The following KLHL2 variants were observed in gnomAD, a reference collection of about 807,000 sequenced individuals.
The protein encoded by KLHL2 is kelch-like protein 2.
KLHL2 carries 15 observed loss-of-function variants against 75.8 expected under a neutral mutation model. The ratio of observed to expected loss-of-function variants is 0.20; its 90% CI spans 0.13 to 0.30. The LOEUF (loss-of-function observed/expected upper bound fraction) is 0.30. KLHL2 is among the 10% of genes least tolerant of loss of function. The pLI, the probability that KLHL2 is intolerant of heterozygous loss-of-function variation, is 1.00. For synonymous variants in KLHL2, 214 were observed against 251.9 expected (o/e 0.85, Z 1.42); for missense variants, 381 against 741.0 (o/e 0.51, Z 5.64).
chr4:165,312,611 A>G (rs1746290626), intron 11 of KLHL2, among the ~76,000 whole-genome samples: 1 of 152,102 alleles, frequency 6.6e-6, no homozygotes, highest in Non-Finnish European at 1.5e-5. Context: ...CATTTTTATT[A>G]TCCTCTAAAA....
Position 165,270,218 on chromosome 4 carries a change from G to A in KLHL2, c.544+6859G>A, listed in dbSNP as rs192384221. ...CACTGTTTATTCTAGTTAGCCATTC[G>A]TCTAACCTTTTTTCAAGGTTTTTAG... On this transcript the variant is annotated intron_variant, in intron 5 of 14. Coordinates refer to ENST00000226725, the MANE Select transcript of KLHL2 (RefSeq NM_007246.4). 5.9e-3 allele frequency among the ~76,000 whole-genome samples: 891 copies of A among 152,140 alleles called. 9 individuals carry two copies. The highest frequency in any genetic ancestry group is 0.02 in the African/African-American group (817 of 41,512).
rs765558583 is a variant in KLHL2 at position 165,310,743 on chromosome 4, G to C, written c.1230G>C (p.Gly410=). 1 of 1,610,066 alleles carries C rather than the reference G, an allele frequency of 6.2e-7. No homozygotes were observed. The highest frequency in any genetic ancestry group is 1.1e-5 in the South Asian group (1 of 90,998). ...TATACGCTGTGGGAGGCTTTGATGG[G>C]AGTACAGGTAATTTCCTTTTCATTT... ...GLLYAVGGFD[G]STGLSSVEAY... Residue 410 remains glycine (G), a synonymous_variant, in exon 10 of 15, where the codon GGG becomes GGC. Coordinates refer to ENST00000226725, the MANE Select transcript of KLHL2 (RefSeq NM_007246.4).
At position 165,228,825 on chromosome 4, in the gene KLHL2, T is replaced by A; in HGVS notation, c.171T>A (p.Asp57Glu). 1 of 1,612,922 alleles carries A rather than the reference T, an allele frequency of 6.2e-7. No homozygotes were observed. The highest frequency in any genetic ancestry group is 8.5e-7 in the Non-Finnish European group (1 of 1,179,128). Residue 57 changes from aspartate to glutamate, a missense_variant, in exon 3 of 15, where the codon GAT becomes GAA. Asp to Glu is a conservative substitution (Grantham distance 45). Coordinates refer to ENST00000226725, the MANE Select transcript of KLHL2 (RefSeq NM_007246.4). ...TACACAGTCAAAATTTGCTGTGCGATGTCACAATTGTGGCAGAAGACATGG... is the reference window on the plus strand; with the variant it reads ...TACACAGTCAAAATTTGCTGTGCGAAGTCACAATTGTGGCAGAAGACATGG... The part of the protein sequence containing the change: ...NELRSQNLLC[D>E]VTIVAEDMEI...
chr4:165,241,798 A>T (rs1273362080), intron 4 of KLHL2, among the ~76,000 whole-genome samples: 1 of 152,118 alleles, frequency 6.6e-6, no homozygotes, highest in African/African-American at 2.4e-5. Context: ...TGGTCTCCTT[A>T]TTACACTAAT....
At chr4:165,232,007 A>G (rs1211210261) in intron 3 of KLHL2, among the ~76,000 whole-genome samples, 1 of 152,186 alleles carries the variant, frequency 6.6e-6, no homozygotes, top group Non-Finnish European at 1.5e-5. Context: ...TCTAATAACC[A>G]ATGATGTCAA....
At chr4:165,222,203 A>G (rs915476685) in intron 2 of KLHL2, among the ~76,000 whole-genome samples, 7 of 152,136 alleles carry the variant, frequency 4.6e-5, no homozygotes, top group African/African-American at 1.7e-4. Flanking sequence ...TCTCGAGCCA[A>G]TTATTTTACT....
rs1198928728 is a variant in KLHL2, at chr4:165,259,104, CT to C, written c.382-4081del. ...GTATTTCTAACTATGAACCTATATT[CT>C]TTTTTTTTTTTCTTTGAGATGGAGT... On this transcript the variant is annotated intron_variant, in intron 4 of 14. Transcript: ENST00000226725. Among the ~76,000 whole-genome samples the C allele has an allele frequency of 1.5e-3, 220 of 146,240 alleles. 1 individual carries two copies. The highest frequency in any genetic ancestry group is 0.013 in the East Asian group (67 of 5,070).
intron 9 of KLHL2, among the ~76,000 whole-genome samples, chr4:165,308,334 A>G (rs574559861): frequency 6.6e-6 from 1 of 152,172 alleles, no homozygotes; most frequent in Admixed American, 6.5e-5. Flanking sequence ...AAGTCATTTG[A>G]CTCATTTTAT....
At chr4:165,244,607 A>C (rs151184265) in intron 4 of KLHL2, among the ~76,000 whole-genome samples, 26 of 152,312 alleles carry the variant, frequency 1.7e-4, no homozygotes, top group Middle Eastern at 3.4e-3. Context: ...AATATCTGAT[A>C]AGTACTCGGT....
chr4:165,310,123 G>A (rs191371618), intron 9 of KLHL2, among the ~76,000 whole-genome samples: 77 of 152,224 alleles, frequency 5.1e-4, no homozygotes, highest in African/African-American at 1.8e-3. Flanking sequence ...AGATCACGAG[G>A]TCAGGAGATC....
chr4:165,271,284 A>C (rs765523562), intron 5 of KLHL2, among the ~76,000 whole-genome samples: 21 of 152,190 alleles, frequency 1.4e-4, no homozygotes, highest in Non-Finnish European at 2.8e-4. Flanking sequence ...GTCTGTGAAC[A>C]TGGGATGTAT....
chr4:165,287,885 G>A (rs922258062), intron 5 of KLHL2, among the ~76,000 whole-genome samples: 1 of 152,102 alleles, frequency 6.6e-6, no homozygotes. Flanking sequence ...TTGTTGAGTT[G>A]TAGGAGATAT....
chr4:165,220,336 CAAAA>C (rs1163997833), intron 2 of KLHL2, among the ~76,000 whole-genome samples: 1 of 150,498 alleles, frequency 6.6e-6, no homozygotes, highest in Non-Finnish European at 1.5e-5. Context: ...TTTCTAAATG[CAAAA>C]AAAAGAAATG....
intron 2 of KLHL2, among the ~76,000 whole-genome samples, chr4:165,223,516 G>C (rs1191967394): frequency 1.3e-5 from 2 of 152,200 alleles, no homozygotes; most frequent in African/African-American, 2.4e-5. Flanking sequence ...AACGTCATCT[G>C]TTGGATAAAG....
intron 1 of KLHL2, among the ~76,000 whole-genome samples, chr4:165,217,376 C>T (rs1297726160): frequency 1.3e-5 from 2 of 152,190 alleles, no homozygotes; most frequent in Non-Finnish European, 1.5e-5. Context: ...TTCTCTCCCT[C>T]CAGACGTGAA....
At chr4:165,279,123 A>G in intron 5 of KLHL2, 1 of 1,600,880 alleles carries the variant, frequency 6.2e-7, no homozygotes, top group Non-Finnish European at 8.6e-7. Context: ...ATAGTCCCAA[A>G]AAGAGCTCGT....
intron 6 of KLHL2, among the ~76,000 whole-genome samples, chr4:165,296,208 A>G (rs1242600088): frequency 6.6e-6 from 1 of 152,100 alleles, no homozygotes; most frequent in East Asian, 1.9e-4. Flanking sequence ...ATGGCATCTT[A>G]TGGGTCTGTA....
At chr4:165,254,505 A>T (rs944668076) in intron 4 of KLHL2, among the ~76,000 whole-genome samples, 3 of 152,180 alleles carry the variant, frequency 2.0e-5, no homozygotes, top group African/African-American at 7.2e-5. Flanking sequence ...TTAAACGTTT[A>T]TATTTTTTGG....
At position 165,310,686 on chromosome 4, in the gene KLHL2, C is replaced by G; in HGVS notation, c.1173C>G (p.Ser391Arg). The G allele has an allele frequency of 6.2e-7, 1 of 1,614,018 alleles. No individual in the cohort carries two copies. Among genetic ancestry groups the G allele is most frequent in the Non-Finnish European group, 8.5e-7 (1 of 1,179,978 alleles). The change falls in exon 10 of 15, where the codon AGC becomes AGG. Residue 391 changes from serine (S) to arginine (R), a missense_variant. Around this residue, in one of 5 missense-constraint regions of KLHL2, gnomAD observed 168 missense variants for 370.4 expected, o/e 0.45. Transcript: ENST00000226725. ...TSVANMRDRR[S>R]TLGAAVLNGL... The stretch of plus-strand genomic sequence containing the variant: ...TTGCTAACATGAGAGACCGGAGAAG[C>G]ACTTTGGGAGCTGCTGTGTTAAATG...
Sources: gnomAD v4.1 joint callset for allele counts (sites outside exome capture counted in the v4.1 genomes callset) on GRCh38, gnomAD v4.1.1 for gene constraint, gnomAD v4.1.1 regional missense constraint, MANE v1.5 for transcripts, NCBI Gene and HGNC (gene_info 2026-07-23, HGNC 2026-07-21) for gene names.